The following PTPRO variants were observed in gnomAD, a reference collection of about 807,000 sequenced individuals.
The protein encoded by PTPRO is receptor-type tyrosine-protein phosphatase O.
In PTPRO, 62 loss-of-function variants were observed where a neutral mutation model predicts 145.2. That is an observed-to-expected ratio of 0.43 (90% CI 0.35 to 0.53). The LOEUF is 0.53. PTPRO is among the 20% of genes least tolerant of loss of function. The pLI is 0.01. For missense variants in PTPRO, 1,345 were observed against 1,482.7 expected, an observed-to-expected ratio of 0.91 and a Z score of 1.53; for synonymous variants, 565 against 514.7, an observed-to-expected ratio of 1.10 and a Z score of -1.32.
intron 18 of PTPRO, 129 bp downstream of exon 18, chr12:15,565,757 A>G: frequency 2.9e-6 from 2 of 682,656 alleles, no homozygotes; most frequent in Non-Finnish European, 5.2e-6. Context: ...TACAATAGCT[A>G]AGCACAATAA....
At chr12:15,479,967 C>T (rs868699357) in intron 1 of PTPRO, among the ~76,000 whole-genome samples, 6 of 152,232 alleles carry the variant, frequency 3.9e-5, no homozygotes, top group Middle Eastern at 3.4e-3. Flanking sequence ...TACTTGAGCC[C>T]TAGATATTTT....
intron 9 of PTPRO, among the ~76,000 whole-genome samples, chr12:15,519,240 C>T (rs1204521872): frequency 6.6e-6 from 1 of 152,176 alleles, no homozygotes; most frequent in East Asian, 1.9e-4. Flanking sequence ...ATGAGATTTA[C>T]TCACTATCAT....
chr12:15,377,477 C>G (rs1298263964), intron 1 of PTPRO, among the ~76,000 whole-genome samples: 1 of 151,874 alleles, frequency 6.6e-6, no homozygotes, highest in Non-Finnish European at 1.5e-5. Context: ...GAAAAATACA[C>G]TATACAAACA....
At chr12:15,361,584 A>G (rs1240205179) in intron 1 of PTPRO, among the ~76,000 whole-genome samples, 2 of 152,192 alleles carry the variant, frequency 1.3e-5, no homozygotes, top group African/African-American at 4.8e-5. Flanking sequence ...TGAATTGGCC[A>G]CAGAAAACAA....
chr12:15,361,561 T>C (rs1221206408), intron 1 of PTPRO, among the ~76,000 whole-genome samples: 1 of 152,294 alleles, frequency 6.6e-6, no homozygotes, highest in African/African-American at 2.4e-5. Flanking sequence ...AACAGTGTTC[T>C]GTTAATGAAC....
intron 1 of PTPRO, among the ~76,000 whole-genome samples, chr12:15,409,697 G>T (rs1939742714): frequency 6.6e-6 from 1 of 151,950 alleles, no homozygotes; most frequent in Non-Finnish European, 1.5e-5. Context: ...GGAAGCAGAA[G>T]CTTACATGTC....
At chr12:15,333,652 G>A (rs1866673956) in intron 1 of PTPRO, among the ~76,000 whole-genome samples, 1 of 152,202 alleles carries the variant, frequency 6.6e-6, no homozygotes, top group Non-Finnish European at 1.5e-5. Context: ...CTATCAGGCA[G>A]GCGCCACTGA....
At chr12:15,542,996 T>A (rs1176250384) in intron 12 of PTPRO, among the ~76,000 whole-genome samples, 1 of 152,220 alleles carries the variant, frequency 6.6e-6, no homozygotes, top group Non-Finnish European at 1.5e-5. Flanking sequence ...CTTTCACTTG[T>A]GAAATCTTGT....
At chr12:15,432,948 T>A (rs1441117119) in intron 1 of PTPRO, among the ~76,000 whole-genome samples, 1 of 152,212 alleles carries the variant, frequency 6.6e-6, no homozygotes, top group Non-Finnish European at 1.5e-5. Context: ...TTCTGTAGGT[T>A]GTCAGTTTAC....
chr12:15,468,721 C>G (rs909290674), intron 1 of PTPRO, among the ~76,000 whole-genome samples: 2 of 152,218 alleles, frequency 1.3e-5, no homozygotes, highest in Non-Finnish European at 2.9e-5. Context: ...GATTTCTTAA[C>G]TGTCATATTC....
At chr12:15,359,847 A>G (rs929537825) in intron 1 of PTPRO, among the ~76,000 whole-genome samples, 2 of 152,096 alleles carry the variant, frequency 1.3e-5, no homozygotes, top group South Asian at 2.1e-4. Flanking sequence ...TTCTCAGTTC[A>G]TGTAGTTTGT....
chr12:15,560,311 C>T (rs780544133), intron 17 of PTPRO, 35 bp downstream of exon 17: 1 of 1,456,746 alleles, frequency 6.9e-7, no homozygotes, highest in Non-Finnish European at 9.6e-7. Flanking sequence ...AACACAAACT[C>T]TTTAAAAGTT....
At chr12:15,519,580 A>G (rs1017225301) in intron 9 of PTPRO, among the ~76,000 whole-genome samples, 1 of 152,228 alleles carries the variant, frequency 6.6e-6, no homozygotes, top group Non-Finnish European at 1.5e-5. Flanking sequence ...GAACACAAAG[A>G]GATTTCCCTT....
chr12:15,516,851 C>G lies in PTPRO; in HGVS notation c.1674C>G (p.Phe558Leu), dbSNP rs1431356283. ...LSWTRPYLGVFRKYVVEMFYF... is the reference protein window; with the variant it reads ...LSWTRPYLGVLRKYVVEMFYF... Reference sequence around the variant, plus strand: ...GGACCAGACCTTATTTAGGCGTGTTCAGAAAATACGTGGTTGAAATGTTTT... The same window carrying G: ...GGACCAGACCTTATTTAGGCGTGTTGAGAAAATACGTGGTTGAAATGTTTT... Residue 558 changes from phenylalanine to leucine, a missense_variant, in exon 9 of 27, where the codon TTC (phenylalanine) becomes TTG (leucine). Phe to Leu is a conservative substitution (Grantham distance 22, BLOSUM62 0). Around this residue, in one of 3 missense-constraint regions of PTPRO, gnomAD observed 1,130 missense variants for 1,214.7 expected, o/e 0.93. Coordinates refer to ENST00000281171, the MANE Select transcript of PTPRO (RefSeq NM_030667.3). 3 of 1,612,406 alleles carry G rather than the reference C, an allele frequency of 1.9e-6. No homozygotes were observed. The highest frequency in any genetic ancestry group is 2.5e-6 in the Non-Finnish European group (3 of 1,178,468).
intron 1 of PTPRO, among the ~76,000 whole-genome samples, chr12:15,340,046 T>C (rs376343644): frequency 6.6e-6 from 1 of 152,330 alleles, no homozygotes; most frequent in African/African-American, 2.4e-5. Flanking sequence ...TTGATAATGA[T>C]GGAGATGATA....
intron 1 of PTPRO, among the ~76,000 whole-genome samples, chr12:15,403,968 C>T (rs577196854): frequency 5.3e-5 from 8 of 151,862 alleles, no homozygotes; most frequent in Admixed American, 2.0e-4. Flanking sequence ...GAGGCCAAGG[C>T]GGGCAGATCA....
intron 1 of PTPRO, among the ~76,000 whole-genome samples, chr12:15,430,160 A>C (rs1250839152): frequency 6.6e-6 from 1 of 151,810 alleles, no homozygotes; most frequent in Non-Finnish European, 1.5e-5. Context: ...AGGTTTTTGC[A>C]CATAGGTAGT....
chr12:15,399,107 A>G (rs569628035), intron 1 of PTPRO, among the ~76,000 whole-genome samples: 1 of 152,322 alleles, frequency 6.6e-6, no homozygotes, highest in African/African-American at 2.4e-5. Context: ...TCATAATACT[A>G]AATACATAGT....
chr12:15,481,176 A>G (rs560456611), intron 1 of PTPRO, among the ~76,000 whole-genome samples: 1 of 152,326 alleles, frequency 6.6e-6, no homozygotes, highest in East Asian at 1.9e-4. Flanking sequence ...GCTCTTATGA[A>G]CTTTATGCTA....
Sources: allele counts gnomAD v4.1 joint callset (sites outside exome capture counted in the v4.1 genomes callset), GRCh38; gene constraint gnomAD v4.1.1; regional missense constraint gnomAD v4.1.1; transcripts MANE v1.5; gene names NCBI Gene and HGNC (gene_info 2026-07-23, HGNC 2026-07-21).